Variants in POLR1A observed in about 807,000 individuals in gnomAD.
POLR1A encodes the protein DNA-directed RNA polymerase I subunit RPA1.
In POLR1A, 84 loss-of-function variants were observed where a neutral mutation model predicts 205.3. That is an observed-to-expected ratio of 0.41 (90% CI 0.34 to 0.49). The LOEUF (loss-of-function observed/expected upper bound fraction) is 0.49. Among genes scored for constraint, POLR1A ranks in the 20% least tolerant of loss-of-function variants. The pLI, the probability that POLR1A is intolerant of heterozygous loss-of-function variation, is 0.22. For missense variants in POLR1A, 1,645 were observed against 2,204.5 expected, an observed-to-expected ratio of 0.75 and a Z score of 5.08; for synonymous variants, 799 against 863.7, an observed-to-expected ratio of 0.93 and a Z score of 1.31.
rs1020502007 is a variant in POLR1A, at chr2:86,026,384, T to C, written c.*1039A>G. 5.3e-5 allele frequency: 8 copies of C among 152,248 alleles called. No individual in the cohort carries two copies. The highest frequency in any genetic ancestry group is 5.2e-4 in the Admixed American group (8 of 15,284). 9.4% of individuals were successfully genotyped at this position (152,248 alleles called of 1,614,324 possible). A position where few individuals can be genotyped will look rare whatever the true frequency, so the allele number is the denominator to read the frequency against. ...TCCTAATAGCTAGTTCCAATGATGT[T>C]AATTACCCGCCCTGAGCTGAAATAA... On this transcript the variant is annotated 3_prime_UTR_variant, in exon 34 of 34. Coordinates refer to ENST00000263857, the MANE Select transcript of POLR1A (RefSeq NM_015425.6).
chr2:86,057,986 G>A (rs1018102420), intron 14 of POLR1A, among the ~76,000 whole-genome samples: 1 of 152,088 alleles, frequency 6.6e-6, no homozygotes, highest in Non-Finnish European at 1.5e-5. Context: ...CTAGGCTAGA[G>A]TGCTGTGGCA....
In POLR1A at chr2:86,030,179, CAG is replaced by C. The variant is rs755490738; in HGVS notation, c.4779+15_4779+16del. 3.2e-5 allele frequency: 52 copies of C among 1,606,970 alleles called. 1 individual carries two copies. The African/African-American group carries it at 6.3e-4, about 19-fold the overall frequency. ...GGACTAATGCTTTGTCCCAGGCCAG[CAG>C]ACAGCCTGTCTTACCTCTGCATACT... On this transcript the variant is annotated intron_variant, in intron 31 of 33. Coordinates refer to ENST00000263857, the MANE Select transcript of POLR1A (RefSeq NM_015425.6).
rs201297927 is a variant in POLR1A at position 86,031,489 on chromosome 2, G to T, written c.4419C>A (p.Asp1473Glu). ...GCGTCAGGAGGGCGGGAAGGGACGG[G>T]TCCTCCTCAGTGCCTAAGCCCACCT... is the stretch of plus-strand genomic sequence containing the variant. ...DEEVGLGTEE[D>E]PSLPALLTQP... is the part of the protein sequence containing the mutation. Residue 1473 changes from aspartate to glutamate, a missense_variant, in exon 30 of 34, where the codon GAC becomes GAA. Transcript: ENST00000263857. 87 of 1,614,030 alleles carry T rather than the reference G, an allele frequency of 5.4e-5. No individual in the cohort carries two copies. Among genetic ancestry groups the T allele is most frequent in the Non-Finnish European group, 6.6e-5 (78 of 1,179,990 alleles).
At chr2:86,105,298 G>A (rs1673904889) in intron 1 of POLR1A, among the ~76,000 whole-genome samples, 1 of 152,178 alleles carries the variant, frequency 6.6e-6, no homozygotes. Context: ...CTAGCAAAGA[G>A]AAGTTAACGC....
At chr2:86,040,331 T>C in intron 25 of POLR1A, 61 bp downstream of exon 25, 5 of 1,329,058 alleles carry the variant, frequency 3.8e-6, no homozygotes, top group Non-Finnish European at 5.0e-6. Context: ...TCTCATTAAA[T>C]GGCCCCTTCT....
chr2:86,099,983 G>T lies in POLR1A; in HGVS notation c.267C>A (p.Asn89Lys). 1.2e-6 allele frequency: 2 copies of T among 1,613,920 alleles called. No homozygotes were observed. The highest frequency in any genetic ancestry group is 1.1e-5 in the South Asian group (1 of 91,074). Reference protein sequence around the residue: ...GHIELPLTVYNPLLFDKLYLL... With the variant: ...GHIELPLTVYKPLLFDKLYLL... ...CAGCACTTACATCGAAGAGGAGAGG[G>T]TTATACACTGTGAGTGGGAGCTCAA... The change falls in exon 2 of 34, where the codon AAC becomes AAA. Residue 89 changes from asparagine (N) to lysine (K), a missense_variant. This residue lies in a region of POLR1A where 330 missense variants were observed against 375.6 expected (regional missense o/e 0.88). Coordinates refer to ENST00000263857, the MANE Select transcript of POLR1A (RefSeq NM_015425.6).
chr2:86,062,852 C>T (rs924842685), intron 14 of POLR1A, among the ~76,000 whole-genome samples: 1 of 152,054 alleles, frequency 6.6e-6, no homozygotes, highest in Admixed American at 6.5e-5. Context: ...AGAGAAGTGA[C>T]ACCACTACAG....
At position 86,043,172 on chromosome 2, in the gene POLR1A, G is replaced by A; in HGVS notation, c.3159C>T (p.Leu1053=). ...GATCTGCTCTGGATAAAACTTCATG[G>A]AGATGCTGTGATTTCATTATCACCT... ...NYEVIMKSQH[L]HEVLSRADPK... is the part of the protein sequence containing the mutation. The change falls in exon 23 of 34, where the codon CTC becomes CTT. Residue 1053 remains leucine, a synonymous_variant. Transcript: ENST00000263857. The A allele has an allele frequency of 5.6e-6, 9 of 1,613,152 alleles. No individual in the cohort carries two copies. Among genetic ancestry groups the A allele is most frequent in the Non-Finnish European group, 7.6e-6 (9 of 1,179,472 alleles).
rs17026898 is a variant in POLR1A, at chr2:86,102,913, C to T, written c.78-2741G>A. 6.8e-3 allele frequency among the ~76,000 whole-genome samples: 1,035 copies of T among 151,988 alleles called. 14 individuals are homozygous for T. The highest frequency in any genetic ancestry group is 0.023 in the African/African-American group (960 of 41,550). On this transcript the variant is annotated intron_variant, in intron 1 of 33. Transcript: ENST00000263857. ...CCACCACAAATGGTGTTGTTAAGAA[C>T]TGAGAATGGGTGTCGTTAAGGACTG...
chr2:86,028,317 C>A lies in POLR1A; in HGVS notation c.4898-268G>T, dbSNP rs960115010. On this transcript the variant is annotated intron_variant, in intron 32 of 33. Coordinates refer to ENST00000263857, the MANE Select transcript of POLR1A (RefSeq NM_015425.6). This position sits in a 1 kb window ranked among gnomAD's most constrained non-coding sequence, Gnocchi z 4.5. ...CACTGTTTTCACTTGGGAACTGAAACCCCAAAGGCAGGATGGGGCCAAGTT... is the reference window on the plus strand; with the variant it reads ...CACTGTTTTCACTTGGGAACTGAAAACCCAAAGGCAGGATGGGGCCAAGTT... 3.9e-5 allele frequency among the ~76,000 whole-genome samples: 6 copies of A among 152,204 alleles called. No individual in the cohort carries two copies. The highest frequency in any genetic ancestry group is 1.4e-4 in the African/African-American group (6 of 41,452).
chr2:86,077,343 A>G (rs1218124487), intron 11 of POLR1A, among the ~76,000 whole-genome samples: 1 of 152,150 alleles, frequency 6.6e-6, no homozygotes, highest in Non-Finnish European at 1.5e-5. Context: ...GACCCTGAGA[A>G]GCGAAACAGG....
chr2:86,045,204 T>C, intron 21 of POLR1A, 74 bp downstream of exon 21: 1 of 956,924 alleles, frequency 1.0e-6, no homozygotes, highest in Non-Finnish European at 1.6e-6. Context: ...AATGAGCTGC[T>C]GATATAATGT....
At chr2:86,094,902 C>T (rs948634749) in intron 3 of POLR1A, among the ~76,000 whole-genome samples, 1 of 152,210 alleles carries the variant, frequency 6.6e-6, no homozygotes, top group Non-Finnish European at 1.5e-5. Flanking sequence ...GCCCACCCTC[C>T]TTGTGGACCC....
intron 3 of POLR1A, among the ~76,000 whole-genome samples, chr2:86,095,680 T>C (rs1408841211): frequency 1.3e-5 from 2 of 151,134 alleles, no homozygotes; most frequent in East Asian, 3.9e-4. Flanking sequence ...GCATCCAAAC[T>C]GAAAAGAAGG....
At position 86,088,825 on chromosome 2, in the gene POLR1A, A is replaced by G; in HGVS notation, c.586T>C (p.Trp196Arg). The change falls in exon 5 of 34, where the codon TGG becomes CGG. Residue 196 changes from tryptophan (W) to arginine (R), a missense_variant. By Grantham distance (101) the Trp-to-Arg change is moderately radical. Around this residue, in one of 16 missense-constraint regions of POLR1A, gnomAD observed 330 missense variants for 375.6 expected, o/e 0.88. Transcript: ENST00000263857. ...CGCTTAGCATTCATATGTGCCTTCC[A>G]GAAGAGAGCAATGAGCTTGCTCTTG... Reference protein sequence around the residue: ...ESKSKLIALFWKAHMNAKRCP... With the variant: ...ESKSKLIALFRKAHMNAKRCP... 6.2e-7 allele frequency: 1 copy of G among 1,614,110 alleles called. No homozygotes were observed. Among genetic ancestry groups the G allele is most frequent in the Non-Finnish European group, 8.5e-7 (1 of 1,179,986 alleles).
In POLR1A at chr2:86,070,108, G is replaced by A. The variant is rs774214387; in HGVS notation, c.1776C>T (p.Asp592=). ...TCTGGGGGAAATGGGCATTCATCTC[G>A]TCTCCATCAAAGTCGGCATTATAGG... ...CKAYNADFDG[D]EMNAHFPQSE... is the part of the protein sequence containing the mutation. The change falls in exon 13 of 34, where the codon GAC becomes GAT. Residue 592 remains aspartate (D), a synonymous_variant. Transcript: ENST00000263857. This position sits in a 1 kb window ranked among gnomAD's most constrained non-coding sequence, Gnocchi z 4.4. The A allele has an allele frequency of 1.2e-5, 20 of 1,614,074 alleles. No homozygotes were observed. Among genetic ancestry groups the A allele is most frequent in the Admixed American group, 3.3e-5 (2 of 59,994 alleles).
At position 86,033,328 on chromosome 2, in the gene POLR1A, G is replaced by T. The variant is rs576864076; in HGVS notation, c.4161+333C>A. ...GCAGAGCCAAAGGAAACCGGAAAAA[G>T]AACTTTCAAAGGCTCAGCGCACGCC... On this transcript the variant is annotated intron_variant, in intron 28 of 33. Transcript: ENST00000263857. Among the ~76,000 whole-genome samples the T allele has an allele frequency of 2.9e-3, 436 of 152,382 alleles. 3 individuals carry two copies. Among genetic ancestry groups the T allele is most frequent in the African/African-American group, 0.01 (421 of 41,590 alleles).
chr2:86,065,243 T>G (rs1673066021), intron 14 of POLR1A, 31 bp downstream of exon 14: 1 of 1,593,116 alleles, frequency 6.3e-7, no homozygotes, highest in African/African-American at 1.3e-5. Context: ...TTTCCTTTTG[T>G]TACATACACT....
chr2:86,067,047 T>C (rs1438696431), intron 13 of POLR1A, among the ~76,000 whole-genome samples: 4 of 152,348 alleles, frequency 2.6e-5, no homozygotes, highest in African/African-American at 9.6e-5. Flanking sequence ...TGTGATCTAT[T>C]CAGTGCCTTT....
Sources: allele counts gnomAD v4.1 joint callset (sites outside exome capture counted in the v4.1 genomes callset), GRCh38; gene constraint gnomAD v4.1.1; regional missense constraint gnomAD v4.1.1; non-coding constraint Gnocchi (gnomAD v3.1); transcripts MANE v1.5; gene names NCBI Gene and HGNC (gene_info 2026-07-23, HGNC 2026-07-21).